FAM163A: variants seen among roughly 807,000 people sequenced by gnomAD.
The protein encoded by FAM163A is protein FAM163A.
In FAM163A, 7 loss-of-function variants were observed where a neutral mutation model predicts 12.0. The observed-to-expected ratio is 0.58, with a 90% CI of 0.33 to 1.10. FAM163A has a LOEUF of 1.10. FAM163A is among the 50% of genes least tolerant of loss of function. The probability of loss-of-function intolerance (pLI) is 0.03; values close to 1 mark genes in which losing one functional copy is unlikely to be tolerated. For missense variants in FAM163A, 202 were observed against 218.6 expected, an observed-to-expected ratio of 0.92 and a Z score of 0.48; for synonymous variants, 101 against 91.0, an observed-to-expected ratio of 1.11 and a Z score of -0.62.
rs148920234 is a variant in FAM163A at position 179,773,357 on chromosome 1, G to A, written c.-136+29934G>A. Among the ~76,000 whole-genome samples the A allele has an allele frequency of 8.3e-4, 126 of 152,182 alleles. No individual in the cohort carries two copies. In the Middle Eastern group the frequency reaches 0.024, roughly 29 times the overall value. On this transcript the variant is annotated intron_variant, in intron 1 of 4. Coordinates refer to ENST00000341785, the MANE Select transcript of FAM163A (RefSeq NM_173509.3). ...TAAATATACACATGCACAGATAAGC[G>A]TGCACACATGCATATGTTCATGTAA...
intron 1 of FAM163A, among the ~76,000 whole-genome samples, chr1:179,807,538 G>A (rs1047036186): frequency 6.6e-6 from 1 of 152,218 alleles, no homozygotes; most frequent in Non-Finnish European, 1.5e-5. Context: ...TCCTGCCGCT[G>A]CCCTGGGCAC....
intron 1 of FAM163A, among the ~76,000 whole-genome samples, chr1:179,783,772 A>AAATATATATTATATAATTTAT (rs1557940335): frequency 1.3e-4 from 19 of 144,884 alleles, no homozygotes; most frequent in African/African-American, 4.8e-4. Context: ...ATAATTTATT[A>AAATATATATTATATAATTTAT]TATATATATT....
At chr1:179,776,439 C>T (rs1485773735) in intron 1 of FAM163A, among the ~76,000 whole-genome samples, 4 of 149,612 alleles carry the variant, frequency 2.7e-5, no homozygotes, top group Non-Finnish European at 4.4e-5. Flanking sequence ...TGCAGTGAGC[C>T]GAGATCACAC....
intron 1 of FAM163A, among the ~76,000 whole-genome samples, chr1:179,775,451 T>C (rs1006082401): frequency 2.6e-4 from 39 of 152,330 alleles, no homozygotes; most frequent in African/African-American, 7.7e-4. Flanking sequence ...TACTTAGGCA[T>C]GGGAAGTTAG....
At chr1:179,746,984 C>T (rs1172891857) in intron 1 of FAM163A, among the ~76,000 whole-genome samples, 2 of 152,086 alleles carry the variant, frequency 1.3e-5, no homozygotes, top group Non-Finnish European at 2.9e-5. Flanking sequence ...GAAATAGAAA[C>T]CACCCCTTTC....
intron 1 of FAM163A, among the ~76,000 whole-genome samples, chr1:179,747,682 G>A (rs925149265): frequency 5.9e-5 from 9 of 152,188 alleles, no homozygotes; most frequent in African/African-American, 2.2e-4. Context: ...TCTCTACGCA[G>A]TAAGCTGCAG....
intron 1 of FAM163A, among the ~76,000 whole-genome samples, chr1:179,789,064 T>G (rs1691057964): frequency 6.6e-6 from 1 of 152,256 alleles, no homozygotes; most frequent in Admixed American, 6.5e-5. Flanking sequence ...GACTCTCTTC[T>G]ATGAGCCCAA....
At chr1:179,761,756 G>T (rs1241026306) in intron 1 of FAM163A, among the ~76,000 whole-genome samples, 1 of 152,158 alleles carries the variant, frequency 6.6e-6, no homozygotes, top group Non-Finnish European at 1.5e-5. Flanking sequence ...TGAGGTGTTA[G>T]GATAATCGAG....
At chr1:179,779,384 G>T (rs992287752) in intron 1 of FAM163A, among the ~76,000 whole-genome samples, 3 of 152,158 alleles carry the variant, frequency 2.0e-5, no homozygotes, top group African/African-American at 7.2e-5. Context: ...TCAGTTTGTG[G>T]TTAAAGCAGG....
At chr1:179,768,772 A>G (rs748287115) in intron 1 of FAM163A, among the ~76,000 whole-genome samples, 3 of 151,912 alleles carry the variant, frequency 2.0e-5, no homozygotes, top group African/African-American at 4.8e-5. Flanking sequence ...TGCCCAGCTA[A>G]TTTTTGTATT....
intron 1 of FAM163A, among the ~76,000 whole-genome samples, chr1:179,783,419 T>TG (rs1243871896): frequency 6.6e-6 from 1 of 152,170 alleles, no homozygotes; most frequent in Non-Finnish European, 1.5e-5. Context: ...TAAAACCGTT[T>TG]GGGAAAATAG....
intron 1 of FAM163A, among the ~76,000 whole-genome samples, chr1:179,744,910 G>T (rs960148478): frequency 6.6e-6 from 1 of 152,230 alleles, no homozygotes; most frequent in Non-Finnish European, 1.5e-5. Flanking sequence ...AATCCCGCAT[G>T]TTCGCTTTGC....
At chr1:179,798,064 T>C (rs1276219931) in intron 1 of FAM163A, among the ~76,000 whole-genome samples, 7 of 152,064 alleles carry the variant, frequency 4.6e-5, no homozygotes, top group Non-Finnish European at 1.0e-4. Context: ...ACTCCGTCTC[T>C]ACTAAAAATA....
intron 1 of FAM163A, among the ~76,000 whole-genome samples, chr1:179,749,641 C>T (rs1477814969): frequency 1.3e-5 from 2 of 152,150 alleles, no homozygotes; most frequent in Non-Finnish European, 2.9e-5. Context: ...TGCTTGAGGT[C>T]AGGAGTTCGA....
intron 1 of FAM163A, among the ~76,000 whole-genome samples, chr1:179,780,218 A>G (rs776071752): frequency 2.0e-5 from 3 of 152,266 alleles, no homozygotes; most frequent in Non-Finnish European, 4.4e-5. Flanking sequence ...AAGATTGACC[A>G]TAACTGACAG....
At chr1:179,813,051 C>G (rs746071543) in intron 3 of FAM163A, 25 bp from the exon 4 acceptor site, 8 of 1,546,104 alleles carry the variant, frequency 5.2e-6, no homozygotes, top group Non-Finnish European at 5.3e-6. Context: ...ACAGCTGGTC[C>G]TCAGCCCTCC....
chr1:179,808,589 C>A (rs905822310), intron 2 of FAM163A, among the ~76,000 whole-genome samples: 1 of 152,242 alleles, frequency 6.6e-6, no homozygotes, highest in African/African-American at 2.4e-5. Context: ...AGTATCAAAA[C>A]TATCAGAGAG....
the FAM163A span, among the ~76,000 whole-genome samples, chr1:179,736,757 C>G: frequency 6.6e-6 from 1 of 151,532 alleles, no homozygotes; most frequent in African/African-American, 2.4e-5. Flanking sequence ...TTGCAGTGAG[C>G]AGAGATTGCA....
intron 1 of FAM163A, among the ~76,000 whole-genome samples, chr1:179,765,513 CA>C (rs1358756403): frequency 6.6e-6 from 1 of 151,986 alleles, no homozygotes; most frequent in African/African-American, 2.4e-5. Flanking sequence ...GTGCTGGGGA[CA>C]GGGGTGGGAG....
Sources: gnomAD v4.1 joint callset for allele counts (sites outside exome capture counted in the v4.1 genomes callset) on GRCh38, gnomAD v4.1.1 for gene constraint, MANE v1.5 for transcripts, NCBI Gene and HGNC (gene_info 2026-07-23, HGNC 2026-07-21) for gene names.